Variants in CLIC4 observed in about 807,000 individuals in gnomAD.
The protein encoded by CLIC4 is CLIC family member 4.
In CLIC4, 13 loss-of-function variants were observed where a neutral mutation model predicts 24.6. The ratio of observed to expected loss-of-function variants is 0.53; its 90% CI spans 0.34 to 0.84. The LOEUF is 0.84. Among genes scored for constraint, CLIC4 ranks in the 40% least tolerant of loss-of-function variants. The pLI, the probability that CLIC4 is intolerant of heterozygous loss-of-function variation, is 0.01. For missense variants in CLIC4, 227 were observed against 301.7 expected, an observed-to-expected ratio of 0.75 and a Z score of 1.83; for synonymous variants, 104 against 111.3, an observed-to-expected ratio of 0.93 and a Z score of 0.41.
chr1:24,753,820 G>C (rs1638809137), intron 1 of CLIC4, among the ~76,000 whole-genome samples: 1 of 152,166 alleles, frequency 6.6e-6, no homozygotes, highest in Admixed American at 6.5e-5. Flanking sequence ...CAGATGGACT[G>C]TTTTGACAGT....
At chr1:24,775,796 C>T (rs1639133716) in intron 1 of CLIC4, among the ~76,000 whole-genome samples, 1 of 149,250 alleles carries the variant, frequency 6.7e-6, no homozygotes, top group Non-Finnish European at 1.5e-5. Flanking sequence ...ACTGTAGAAT[C>T]TGGGTCATCT....
chr1:24,773,835 G>A (rs1639100374), intron 1 of CLIC4, among the ~76,000 whole-genome samples: 1 of 151,684 alleles, frequency 6.6e-6, no homozygotes, highest in Non-Finnish European at 1.5e-5. Flanking sequence ...CCAGCTTCAA[G>A]TGATCCTCCC....
At chr1:24,830,021 C>A (rs966837117) in intron 4 of CLIC4, among the ~76,000 whole-genome samples, 1 of 152,154 alleles carries the variant, frequency 6.6e-6, no homozygotes, top group Non-Finnish European at 1.5e-5. Context: ...TCAGTGCTTA[C>A]AATTTTTAGT....
At chr1:24,755,842 A>G (rs979152585) in intron 1 of CLIC4, among the ~76,000 whole-genome samples, 13 of 151,878 alleles carry the variant, frequency 8.6e-5, no homozygotes, top group Non-Finnish European at 1.8e-4. Flanking sequence ...TTTTTTTGAG[A>G]TGGAGTTTTG....
intron 1 of CLIC4, among the ~76,000 whole-genome samples, chr1:24,750,275 A>T (rs1208966699): frequency 6.6e-6 from 1 of 151,988 alleles, no homozygotes; most frequent in East Asian, 1.9e-4. Flanking sequence ...TTATAATGGC[A>T]ATCATCCTCA....
At chr1:24,757,278 G>T (rs1638864321) in intron 1 of CLIC4, among the ~76,000 whole-genome samples, 2 of 152,156 alleles carry the variant, frequency 1.3e-5, no homozygotes, top group South Asian at 4.1e-4. Flanking sequence ...TGGTCTGCCT[G>T]CCTTGACCTC....
intron 1 of CLIC4, among the ~76,000 whole-genome samples, chr1:24,785,701 A>C (rs573768517): frequency 6.6e-6 from 1 of 152,046 alleles, no homozygotes; most frequent in African/African-American, 2.4e-5. Context: ...AAAATACAAA[A>C]ATTAGCCAGA....
chr1:24,747,491 G>A lies in CLIC4; in HGVS notation c.72+1866G>A, dbSNP rs1450216021. ...AGAGGTTGTGGTGTGCGGAGATTGC[G>A]CCACTGTACTCCAGCCTGGGCAACA... On this transcript the variant is annotated intron_variant, in intron 1 of 5. Transcript: ENST00000374379. Among the ~76,000 whole-genome samples, 10 of 131,704 alleles carry A rather than the reference G, an allele frequency of 7.6e-5. No individual in the cohort carries two copies. In the East Asian group the frequency reaches 2.3e-3, roughly 31 times the overall value. 86.4% of individuals were successfully genotyped at this position (131,704 alleles called of 152,430 possible).
chr1:24,832,212 T>TAAGTGGC lies in CLIC4; in HGVS notation c.415+5096_415+5097insAAGTGGC, dbSNP rs762793913. On this transcript the variant is annotated intron_variant, in intron 4 of 5. Coordinates refer to ENST00000374379, the MANE Select transcript of CLIC4 (RefSeq NM_013943.3). ...TTTTATGTTTTTGATTTTTTATTTTTTTTATTTTTTATTTTTTTTTTCTTT... is the reference window on the plus strand; with the variant it reads ...TTTTATGTTTTTGATTTTTTATTTTTAAGTGGCTTTATTTTTTATTTTTTTTTTCTTT... Among the ~76,000 whole-genome samples the TAAGTGGC allele has an allele frequency of 4.3e-3, 11 of 2,534 alleles. 1 individual carries two copies. The highest frequency in any genetic ancestry group is 6.0e-3 in the Admixed American group (1 of 166). The allele number at this position is 2,534 out of a possible 152,430, so 1.7% of individuals were successfully genotyped here. A position where few individuals can be genotyped will look rare whatever the true frequency, so the allele number is the denominator to read the frequency against.
intron 1 of CLIC4, among the ~76,000 whole-genome samples, chr1:24,748,078 T>C (rs1423259073): frequency 1.3e-5 from 2 of 151,876 alleles, no homozygotes; most frequent in Non-Finnish European, 2.9e-5. Flanking sequence ...TATTCAGTAT[T>C]CTATTATTCT....
Position 24,842,330 on chromosome 1 carries a change from A to G in CLIC4, c.*1393A>G, listed in dbSNP as rs1390523969. On this transcript the variant is annotated 3_prime_UTR_variant, in exon 6 of 6. Coordinates refer to ENST00000374379, the MANE Select transcript of CLIC4 (RefSeq NM_013943.3). ...TGTATTTACTCTTTTTTAAAAGACA[A>G]AAGCAAAACCAGACTTTCTACGTAC... The G allele has an allele frequency of 6.6e-6, 1 of 152,208 alleles. No homozygotes were observed. The highest frequency in any genetic ancestry group is 2.4e-5 in the African/African-American group (1 of 41,460). 9.4% of individuals were successfully genotyped at this position (152,208 alleles called of 1,614,324 possible).
intron 3 of CLIC4, among the ~76,000 whole-genome samples, chr1:24,815,551 C>T (rs1016026419): frequency 6.6e-6 from 1 of 152,096 alleles, no homozygotes; most frequent in Non-Finnish European, 1.5e-5. Flanking sequence ...GAGCCTTCAG[C>T]GAGTCAATCT....
At chr1:24,803,371 T>C (rs1443767707) in intron 2 of CLIC4, among the ~76,000 whole-genome samples, 2 of 152,138 alleles carry the variant, frequency 1.3e-5, no homozygotes, top group Non-Finnish European at 2.9e-5. Flanking sequence ...CACTCTATGA[T>C]TTGAAAAAAA....
At chr1:24,759,323 A>T (rs894283081) in intron 1 of CLIC4, among the ~76,000 whole-genome samples, 1 of 152,194 alleles carries the variant, frequency 6.6e-6, no homozygotes, top group African/African-American at 2.4e-5. Context: ...TCCATGCACT[A>T]AGTGCTGGAG....
At chr1:24,802,899 G>T (rs991767240) in intron 2 of CLIC4, among the ~76,000 whole-genome samples, 3 of 151,776 alleles carry the variant, frequency 2.0e-5, no homozygotes, top group Admixed American at 6.6e-5. Context: ...TTAAGAGACA[G>T]GGTCTCCCTG....
At chr1:24,762,792 T>A (rs960667092) in intron 1 of CLIC4, among the ~76,000 whole-genome samples, 2 of 151,876 alleles carry the variant, frequency 1.3e-5, no homozygotes, top group African/African-American at 2.4e-5. Flanking sequence ...GAGACTGGAG[T>A]CAGTGTGTAA....
At chr1:24,811,682 C>T (rs889932007) in intron 2 of CLIC4, among the ~76,000 whole-genome samples, 4 of 152,088 alleles carry the variant, frequency 2.6e-5, no homozygotes, top group African/African-American at 9.7e-5. Flanking sequence ...CACTATGTTG[C>T]CCAGGCTGGT....
intron 1 of CLIC4, among the ~76,000 whole-genome samples, chr1:24,771,388 A>G (rs3120834): frequency 0.025 from 3,796 of 152,148 alleles, 131 homozygotes; most frequent in African/African-American, 0.084. Context: ...CTTTAATTAC[A>G]TTTTTGTTCC....
intron 1 of CLIC4, among the ~76,000 whole-genome samples, chr1:24,753,388 G>T (rs1638803915): frequency 6.6e-6 from 1 of 152,120 alleles, no homozygotes; most frequent in Admixed American, 6.5e-5. Context: ...TTATTGGAAA[G>T]AAAACAATAC....
Sources: gnomAD v4.1 joint callset for allele counts (sites outside exome capture counted in the v4.1 genomes callset) on GRCh38, gnomAD v4.1.1 for gene constraint, MANE v1.5 for transcripts, NCBI Gene and HGNC (gene_info 2026-07-23, HGNC 2026-07-21) for gene names.